Variants in NBEA observed in about 807,000 individuals in gnomAD.
NBEA encodes the protein lysosomal-trafficking regulator 2.
A neutral mutation model predicts 343.4 loss-of-function variants in NBEA; 44 were observed. That is an observed-to-expected ratio of 0.13 (90% CI 0.10 to 0.16). The LOEUF (loss-of-function observed/expected upper bound fraction) is 0.16. NBEA is among the 10% of genes least tolerant of loss of function. NBEA has a pLI of 1.00. For missense variants in NBEA, 2,555 were observed against 3,631.3 expected, an observed-to-expected ratio of 0.70 and a Z score of 7.62; for synonymous variants, 1,175 against 1,238.7, an observed-to-expected ratio of 0.95 and a Z score of 1.08.
chr13:34,978,977 CCTAAGAAT>C (rs1427512986), intron 1 of NBEA, among the ~76,000 whole-genome samples: 46 of 152,184 alleles, frequency 3.0e-4, no homozygotes, highest in African/African-American at 1.0e-3. Context: ...TGGGTAAATA[CCTAAGAAT>C]GTAATTATCA....
At chr13:35,275,838 T>A (rs2034545047) in intron 34 of NBEA, among the ~76,000 whole-genome samples, 1 of 152,090 alleles carries the variant, frequency 6.6e-6, no homozygotes, top group Admixed American at 6.6e-5. Flanking sequence ...TGGCGATCAT[T>A]AGAAAGTTAG....
intron 34 of NBEA, among the ~76,000 whole-genome samples, chr13:35,277,557 G>A (rs939057928): frequency 2.2e-5 from 3 of 134,902 alleles, no homozygotes; most frequent in Admixed American, 1.7e-4. Flanking sequence ...GTAGGCAGAA[G>A]TTGCAGTCAG....
chr13:35,664,933 G>C (rs760012906), intron 55 of NBEA, among the ~76,000 whole-genome samples, 152 bp from the exon 56 acceptor site: 3 of 152,248 alleles, frequency 2.0e-5, no homozygotes, highest in Non-Finnish European at 2.9e-5. Context: ...CAAAAGAGGA[G>C]AGCAGAGAGG....
intron 49 of NBEA, among the ~76,000 whole-genome samples, chr13:35,629,672 A>G (rs1358144172): frequency 1.3e-5 from 2 of 152,230 alleles, no homozygotes; most frequent in Non-Finnish European, 2.9e-5. Flanking sequence ...AATTTTCTCT[A>G]CAAATCATTA....
chr13:35,128,428 C>T (rs1444992839), intron 17 of NBEA, among the ~76,000 whole-genome samples: 1 of 152,060 alleles, frequency 6.6e-6, no homozygotes, highest in Non-Finnish European at 1.5e-5. Context: ...AACTTTAATT[C>T]ACCTATTTCA....
chr13:35,006,661 T>C (rs2061329124), intron 1 of NBEA, among the ~76,000 whole-genome samples: 1 of 152,238 alleles, frequency 6.6e-6, no homozygotes, highest in African/African-American at 2.4e-5. Flanking sequence ...CAGTCTCTTT[T>C]TCTTTCTCTG....
chr13:35,095,711 G>T (rs1320313346), intron 10 of NBEA, among the ~76,000 whole-genome samples: 1 of 151,854 alleles, frequency 6.6e-6, no homozygotes, highest in African/African-American at 2.4e-5. Context: ...GGTACTGTCT[G>T]TTGAAAAGTT....
intron 31 of NBEA, among the ~76,000 whole-genome samples, chr13:35,197,474 G>A (rs1344476871): frequency 2.6e-5 from 4 of 151,956 alleles, no homozygotes; most frequent in Non-Finnish European, 5.9e-5. Flanking sequence ...TTAGTTTAGG[G>A]GTAGAGGATG....
intron 24 of NBEA, among the ~76,000 whole-genome samples, chr13:35,167,233 A>G (rs1281492453): frequency 1.3e-5 from 2 of 152,020 alleles, no homozygotes; most frequent in Admixed American, 6.6e-5. Context: ...AGCAATAGAC[A>G]ATACATAAAC....
intron 38 of NBEA, among the ~76,000 whole-genome samples, chr13:35,410,874 T>C (rs1038211287): frequency 1.3e-5 from 2 of 152,196 alleles, no homozygotes; most frequent in Non-Finnish European, 2.9e-5. Context: ...AGGAACATTA[T>C]CAAGTCAGAG....
intron 1 of NBEA, among the ~76,000 whole-genome samples, chr13:34,978,665 T>C (rs1484571954): frequency 1.3e-5 from 2 of 152,154 alleles, no homozygotes; most frequent in Non-Finnish European, 2.9e-5. Context: ...TTTCCCACCA[T>C]AGATTAGTAT....
chr13:35,200,084 CAGAG>C (rs951954577), intron 31 of NBEA, among the ~76,000 whole-genome samples: 61 of 152,006 alleles, frequency 4.0e-4, no homozygotes, highest in African/African-American at 1.4e-3. Context: ...TACTGTGAGG[CAGAG>C]AGAAATATTT....
chr13:35,656,616 A>G (rs2084824972), intron 55 of NBEA, among the ~76,000 whole-genome samples: 1 of 152,232 alleles, frequency 6.6e-6, no homozygotes, highest in African/African-American at 2.4e-5. Flanking sequence ...TAGGTTTCCA[A>G]TAAATTAAAT....
chr13:35,198,961 T>A (rs1051553836), intron 31 of NBEA, among the ~76,000 whole-genome samples: 1 of 152,108 alleles, frequency 6.6e-6, no homozygotes, highest in African/African-American at 2.4e-5. Context: ...CTTAGTTTCA[T>A]GCTTTAATGT....
intron 41 of NBEA, among the ~76,000 whole-genome samples, chr13:35,501,190 C>G (rs969145112): frequency 6.6e-6 from 1 of 152,058 alleles, no homozygotes; most frequent in Non-Finnish European, 1.5e-5. Context: ...CTTTCAAAAG[C>G]TTTTCAGAAT....
chr13:35,314,858 G>C (rs1427143165), intron 36 of NBEA, among the ~76,000 whole-genome samples: 2 of 151,988 alleles, frequency 1.3e-5, no homozygotes, highest in East Asian at 3.9e-4. Flanking sequence ...CTTTAGTTTG[G>C]ATCATTTCTT....
chr13:35,044,891 C>T, intron 2 of NBEA, 56 bp from the exon 3 acceptor site: 1 of 1,345,340 alleles, frequency 7.4e-7, no homozygotes, highest in South Asian at 1.3e-5. Flanking sequence ...AGTATATTAC[C>T]TTGACAGATG....
At chr13:35,354,010 G>C (rs1332496380) in intron 38 of NBEA, among the ~76,000 whole-genome samples, 1 of 152,180 alleles carries the variant, frequency 6.6e-6, no homozygotes, top group African/African-American at 2.4e-5. Context: ...GGAAACCTCA[G>C]CTTTTGCTAA....
At chr13:35,106,761 C>T (rs146914021) in intron 11 of NBEA, among the ~76,000 whole-genome samples, 1 of 151,622 alleles carries the variant, frequency 6.6e-6, no homozygotes, top group East Asian at 1.9e-4. Context: ...AACAATGGCC[C>T]CCTCCGCCTT....
Sources: allele counts gnomAD v4.1 joint callset (sites outside exome capture counted in the v4.1 genomes callset), GRCh38; gene constraint gnomAD v4.1.1; transcripts MANE v1.5; gene names NCBI Gene and HGNC (gene_info 2026-07-23, HGNC 2026-07-21).